The following MEGF6 variants were observed in gnomAD, a reference collection of about 807,000 sequenced individuals.
The protein encoded by MEGF6 is multiple EGF like domains 6.
Under a neutral mutation model 207.1 loss-of-function variants are expected in MEGF6, and 184 were observed. The ratio of observed to expected loss-of-function variants is 0.89; its 90% CI spans 0.79 to 1.00. The LOEUF (loss-of-function observed/expected upper bound fraction) is 1.00, where lower values mean the gene tolerates loss of function less well. MEGF6 is among the 50% of genes least tolerant of loss of function. The pLI is 0.00. For missense variants in MEGF6, 2,282 were observed against 2,202.9 expected, an observed-to-expected ratio of 1.04 and a Z score of -0.72; for synonymous variants, 1,038 against 910.0, an observed-to-expected ratio of 1.14 and a Z score of -2.53.
rs1447180479 is a variant in MEGF6 at position 3,509,114 on chromosome 1, C to A, written c.1489G>T (p.Ala497Ser). 6.2e-7 allele frequency: 1 copy of A among 1,601,686 alleles called. No individual in the cohort carries two copies. Among genetic ancestry groups the A allele is most frequent in the Non-Finnish European group, 8.5e-7 (1 of 1,174,986 alleles). The change falls in exon 12 of 37, where the codon GCA becomes TCA. Residue 497 changes from alanine (A) to serine (S), a missense_variant. Ala to Ser is a moderately conservative substitution (Grantham distance 99). Transcript: ENST00000356575. ...AGCGTGTGTTCGCCCCGCAACTCTGCCTCTTCCTCATCGGCCCCGACGTCG... is the reference window on the plus strand; with the variant it reads ...AGCGTGTGTTCGCCCCGCAACTCTGACTCTTCCTCATCGGCCCCGACGTCG... ...DDDVGADEEEAELRGEHTLTE... is the reference protein window; with the variant it reads ...DDDVGADEEESELRGEHTLTE...
At chr1:3,513,596 T>C (rs1341607822) in intron 7 of MEGF6, among the ~76,000 whole-genome samples, 4 of 136,196 alleles carry the variant, frequency 2.9e-5, no homozygotes. Flanking sequence ...TTTTTTTTTT[T>C]TTTTTTTTTT....
chr1:3,606,084 G>T (rs1644246413), intron 1 of MEGF6, among the ~76,000 whole-genome samples: 1 of 152,232 alleles, frequency 6.6e-6, no homozygotes, highest in Non-Finnish European at 1.5e-5. Context: ...TCAGAGACAG[G>T]TGTTTTAAAG....
At chr1:3,538,560 C>G (rs1045135915) in intron 4 of MEGF6, among the ~76,000 whole-genome samples, 4 of 152,194 alleles carry the variant, frequency 2.6e-5, no homozygotes, top group Admixed American at 6.5e-5. Context: ...TACACACCAG[C>G]CCCCAGGTGA....
chr1:3,524,197 C>G lies in MEGF6; in HGVS notation c.531G>C (p.Val177=), dbSNP rs1376170185. The G allele has an allele frequency of 1.9e-6, 3 of 1,612,906 alleles. No individual in the cohort carries two copies. Among genetic ancestry groups the G allele is most frequent in the Middle Eastern group, 1.7e-4 (1 of 6,050 alleles). Reference sequence around the variant, plus strand: ...CACAGAGGTAGGAGCCTGGGGTGTTCACGCACCGGTGCTGGCAGCCACCGT... The same window carrying G: ...CACAGAGGTAGGAGCCTGGGGTGTTGACGCACCGGTGCTGGCAGCCACCGT... The part of the protein sequence containing the change: ...THNGGCQHRC[V]NTPGSYLCEC... Residue 177 remains valine, a synonymous_variant, in exon 5 of 37, where the codon GTG becomes GTC. Coordinates refer to ENST00000356575, the MANE Select transcript of MEGF6 (RefSeq NM_001409.4).
At chr1:3,561,725 G>C (rs529897251) in intron 4 of MEGF6, among the ~76,000 whole-genome samples, 59 of 152,338 alleles carry the variant, frequency 3.9e-4, no homozygotes, top group African/African-American at 1.3e-3. Context: ...AAAACACGGG[G>C]TGGGGTGGCG....
At chr1:3,539,342 G>A (rs1442029574) in intron 4 of MEGF6, among the ~76,000 whole-genome samples, 1 of 152,092 alleles carries the variant, frequency 6.6e-6, no homozygotes, top group Non-Finnish European at 1.5e-5. Flanking sequence ...AGGGGCCGGG[G>A]TGGCTGTGGG....
chr1:3,525,159 A>T (rs1477679337), intron 4 of MEGF6, among the ~76,000 whole-genome samples: 1 of 152,176 alleles, frequency 6.6e-6, no homozygotes, highest in Non-Finnish European at 1.5e-5. Context: ...CCAGAAGGCC[A>T]CCATATCCCA....
At position 3,497,366 on chromosome 1, in the gene MEGF6, A is replaced by G; in HGVS notation, c.3353-5T>C. ...CAAACCAGCCCCGCAGGCAGGCTGC[A>G]GAAAGATGAGGGCTGCGGAGGCTTC... On this transcript the variant is annotated splice_region_variant and splice_polypyrimidine_tract_variant and intron_variant, in intron 26 of 36. Transcript: ENST00000356575. The G allele has an allele frequency of 6.5e-7, 1 of 1,538,962 alleles. No homozygotes were observed. Among genetic ancestry groups the G allele is most frequent in the East Asian group, 2.3e-5 (1 of 42,986 alleles).
intron 2 of MEGF6, among the ~76,000 whole-genome samples, chr1:3,597,896 T>G (rs996095913): frequency 6.6e-6 from 1 of 152,128 alleles, no homozygotes; most frequent in African/African-American, 2.4e-5. Flanking sequence ...CACCGCGTGG[T>G]ACCTGCCCAG....
At chr1:3,511,421 G>A in intron 9 of MEGF6, 129 bp downstream of exon 9, 1 of 1,213,264 alleles carries the variant, frequency 8.2e-7, no homozygotes, top group Admixed American at 2.9e-5. Flanking sequence ...CCAGGGCCCA[G>A]GCAGCCAGAC....
intron 4 of MEGF6, among the ~76,000 whole-genome samples, chr1:3,557,596 G>T (rs963880676): frequency 6.6e-6 from 1 of 152,184 alleles, no homozygotes; most frequent in African/African-American, 2.4e-5. Flanking sequence ...ATCAGACCCC[G>T]CCCCACCTTG....
chr1:3,508,776 GAAGGGGCAT>G, intron 12 of MEGF6, 87 bp from the exon 13 acceptor site: 1 of 1,529,968 alleles, frequency 6.5e-7, no homozygotes, highest in Non-Finnish European at 8.9e-7. Context: ...TCAGGCCAGG[GAAGGGGCAT>G]AAGGGGCATC....
intron 2 of MEGF6, among the ~76,000 whole-genome samples, chr1:3,600,993 G>C (rs929927919): frequency 6.6e-5 from 10 of 152,296 alleles, no homozygotes; most frequent in African/African-American, 2.4e-4. Context: ...CGGACACCCT[G>C]CATTGGGTAA....
At chr1:3,596,713 C>T (rs1644074124) in intron 2 of MEGF6, among the ~76,000 whole-genome samples, 1 of 150,322 alleles carries the variant, frequency 6.7e-6, no homozygotes, top group African/African-American at 2.5e-5. Context: ...CCGCGCCATC[C>T]CCTGCCCAGC....
intron 4 of MEGF6, among the ~76,000 whole-genome samples, chr1:3,534,937 C>T (rs1473098825): frequency 2.0e-5 from 3 of 152,144 alleles, no homozygotes; most frequent in Admixed American, 6.5e-5. Context: ...CTCCAAATCC[C>T]GCGTCCATCC....
chr1:3,501,958 C>G (rs367600632), intron 17 of MEGF6, 37 bp from the exon 18 acceptor site: 2 of 1,561,848 alleles, frequency 1.3e-6, no homozygotes, highest in Non-Finnish European at 1.7e-6. Flanking sequence ...AGCCGCACCA[C>G]GTGGAGTGGA....
chr1:3,511,936 G>A, intron 8 of MEGF6, 70 bp downstream of exon 8: 2 of 1,602,438 alleles, frequency 1.2e-6, no homozygotes, highest in Non-Finnish European at 1.7e-6. Context: ...AGCCAAAGCA[G>A]GCCTCGGGGT....
chr1:3,526,113 G>A (rs1158950036), intron 4 of MEGF6, among the ~76,000 whole-genome samples: 3 of 152,300 alleles, frequency 2.0e-5, no homozygotes, highest in Non-Finnish European at 2.9e-5. Flanking sequence ...CAGAGAACAC[G>A]CCATGACCCC....
chr1:3,499,512 G>A lies in MEGF6; in HGVS notation c.2965+76C>T, dbSNP rs568524516. ...GTAGCTTCAGACACTCAGGACAGGT[G>A]GCAGGAGGGAGTCTCCTACGGAGGA... On this transcript the variant is annotated intron_variant, in intron 23 of 36. Coordinates refer to ENST00000356575, the MANE Select transcript of MEGF6 (RefSeq NM_001409.4). The A allele has an allele frequency of 3.4e-4, 523 of 1,524,290 alleles. 1 individual carries two copies. In the African/African-American group the frequency reaches 6.6e-3, roughly 19 times the overall value. The allele number at this position is 1,524,290 out of a possible 1,614,324, so 94.4% of individuals were successfully genotyped here.
Sources: gnomAD v4.1 joint callset for allele counts (sites outside exome capture counted in the v4.1 genomes callset) on GRCh38, gnomAD v4.1.1 for gene constraint, MANE v1.5 for transcripts, NCBI Gene and HGNC (gene_info 2026-07-23, HGNC 2026-07-21) for gene names.